The following CXADR variants were observed in gnomAD, a reference collection of about 807,000 sequenced individuals.
The protein encoded by CXADR is coxsackievirus and adenovirus receptor.
CXADR carries 20 observed loss-of-function variants against 40.3 expected under a neutral mutation model. The ratio of observed to expected loss-of-function variants is 0.50; its 90% CI spans 0.35 to 0.72. CXADR has a LOEUF of 0.72. CXADR is among the 30% of genes least tolerant of loss of function. The probability of loss-of-function intolerance (pLI) is 0.01; values close to 1 mark genes in which losing one functional copy is unlikely to be tolerated. For synonymous variants in CXADR, 150 were observed against 161.3 expected (o/e 0.93, Z 0.53); for missense variants, 332 against 449.1 (o/e 0.74, Z 2.36).
intron 1 of CXADR, among the ~76,000 whole-genome samples, chr21:17,524,197 A>G (rs1375068663): frequency 6.6e-6 from 1 of 151,892 alleles, no homozygotes; most frequent in Non-Finnish European, 1.5e-5. Context: ...CCTGGCCTAC[A>G]TTGATCTCTT....
rs1358941365 is a variant in CXADR, at chr21:17,587,425, C to T, written c.1018-5727C>T. On this transcript the variant is annotated intron_variant, in intron 7 of 7. Coordinates refer to the CXADR transcript ENST00000400169. Reference sequence around the variant, plus strand: ...GTTGTTTCCTGACTTTTTAAATGATCGCCATTCTAACTGGTGTGAGATGGT... The same window carrying T: ...GTTGTTTCCTGACTTTTTAAATGATTGCCATTCTAACTGGTGTGAGATGGT... Among the ~76,000 whole-genome samples, 10 of 152,112 alleles carry T rather than the reference C, an allele frequency of 6.6e-5. 1 individual carries two copies. Among genetic ancestry groups the T allele is most frequent in the African/African-American group, 1.7e-4 (7 of 41,420 alleles).
At chr21:17,596,869 A>G (rs187120780), downstream of CXADR, among the ~76,000 whole-genome samples, 309 of 152,202 alleles carry the variant, frequency 2.0e-3, 2 homozygotes, top group African/African-American at 7.3e-3. Flanking sequence ...TAAGATATGA[A>G]TAATTCTTTA....
intron 3 of CXADR, among the ~76,000 whole-genome samples, chr21:17,558,143 T>A (rs2061060229): frequency 6.6e-6 from 1 of 151,996 alleles, no homozygotes; most frequent in African/African-American, 2.4e-5. Flanking sequence ...TGAATATCTT[T>A]TTGATTCAGG....
the CXADR span, chr21:17,627,072 G>A: frequency 6.6e-6 from 1 of 152,310 alleles, no homozygotes; most frequent in African/African-American, 2.4e-5. Flanking sequence ...AAGAACTGGA[G>A]TAGGCCAGGT....
At chr21:17,616,089 A>G in the CXADR span, among the ~76,000 whole-genome samples, 1 of 151,894 alleles carries the variant, frequency 6.6e-6, no homozygotes, top group African/African-American at 2.4e-5. Flanking sequence ...CATCTCTACT[A>G]AAAATACAAA....
At chr21:17,630,325 G>C in the CXADR span, among the ~76,000 whole-genome samples, 7 of 152,252 alleles carry the variant, frequency 4.6e-5, no homozygotes, top group Non-Finnish European at 1.0e-4. Flanking sequence ...TGTCACACTT[G>C]CGTAATTGCT....
chr21:17,606,951 C>G, the CXADR span, among the ~76,000 whole-genome samples: 3 of 152,206 alleles, frequency 2.0e-5, no homozygotes, highest in East Asian at 3.9e-4. Flanking sequence ...TTGCTCTCTA[C>G]AAGTATCTTA....
intron 7 of CXADR, among the ~76,000 whole-genome samples, chr21:17,591,592 A>AACTT (rs1244051765): frequency 6.7e-6 from 1 of 148,266 alleles, no homozygotes; most frequent in East Asian, 2.0e-4. Context: ...AATGTGATAG[A>AACTT]ACTTACTAAA....
chr21:17,528,068 CTTTTTT>C (rs35477813), intron 1 of CXADR, among the ~76,000 whole-genome samples: 5 of 78,352 alleles, frequency 6.4e-5, no homozygotes, highest in Admixed American at 2.0e-4. Flanking sequence ...TTAGTTCTTT[CTTTTTT>C]TTTTTTTTTT....
In CXADR at chr21:17,565,764, C is replaced by G; in HGVS notation, c.*72C>G. 1 of 1,538,414 alleles carries G rather than the reference C, an allele frequency of 6.5e-7. No homozygotes were observed. On this transcript the variant is annotated 3_prime_UTR_variant, in exon 7 of 7. Transcript: ENST00000284878. ...TTGATATATGAAAACCTATTCTGGT[C>G]TAAATTGTGTTACTAGCCTCAAAAT...
the CXADR span, among the ~76,000 whole-genome samples, chr21:17,629,421 C>T: frequency 2.2e-3 from 329 of 150,774 alleles, 15 homozygotes; most frequent in East Asian, 0.057. Flanking sequence ...AAAAATTAGC[C>T]ATGTATGTTG....
At chr21:17,547,364 G>A (rs544307507) in intron 2 of CXADR, among the ~76,000 whole-genome samples, 171 bp downstream of exon 2, 37 of 152,310 alleles carry the variant, frequency 2.4e-4, no homozygotes, top group African/African-American at 8.4e-4. Flanking sequence ...GGAAATTGAG[G>A]ACACATGTAA....
At chr21:17,575,533 C>T (rs1373910305) in intron 7 of CXADR, among the ~76,000 whole-genome samples, 1 of 150,498 alleles carries the variant, frequency 6.6e-6, no homozygotes, top group Non-Finnish European at 1.5e-5. Flanking sequence ...CTCCGTTGCC[C>T]AGGCTGGAGT....
the CXADR span, among the ~76,000 whole-genome samples, chr21:17,630,226 T>C: frequency 1.3e-5 from 2 of 152,206 alleles, no homozygotes; most frequent in Non-Finnish European, 2.9e-5. Flanking sequence ...GAAAATTGTA[T>C]GAAGTGAAAA....
In CXADR at chr21:17,566,231, A is replaced by G. The variant is rs2061206975; in HGVS notation, c.*539A>G. On this transcript the variant is annotated 3_prime_UTR_variant, in exon 7 of 7. Coordinates refer to ENST00000284878, the MANE Select transcript of CXADR (RefSeq NM_001338.5). The stretch of plus-strand genomic sequence containing the variant: ...CTGTGTTTGGAATATCTCTAAAAAC[A>G]TAGAAAACACTACAGTGGTTTAGAA... The G allele has an allele frequency of 3.1e-6, 3 of 978,574 alleles. No individual in the cohort carries two copies. The highest frequency in any genetic ancestry group is 1.8e-5 in the African/African-American group (1 of 57,084). The allele number at this position is 978,574 out of a possible 1,614,324, so 60.6% of individuals were successfully genotyped here.
chr21:17,513,134 C>T lies in CXADR; in HGVS notation c.5C>T (p.Ala2Val), dbSNP rs1431285610. M[A>V]LLLCFVLLCG... ...GCCCACGGCACGGCAGCCACCATGG[C>T]GCTCCTGCTGTGCTTCGTGCTCCTG... is the stretch of plus-strand genomic sequence containing the variant. Residue 2 changes from alanine (A) to valine (V), a missense_variant, in exon 1 of 7, where the codon GCG becomes GTG. By Grantham distance (64) the Ala-to-Val change is moderately conservative. Coordinates refer to ENST00000284878, the MANE Select transcript of CXADR (RefSeq NM_001338.5). 1.5e-6 allele frequency: 2 copies of T among 1,361,342 alleles called. No individual in the cohort carries two copies. Among genetic ancestry groups the T allele is most frequent in the Non-Finnish European group, 1.9e-6 (2 of 1,053,568 alleles). 84.3% of individuals were successfully genotyped at this position (1,361,342 alleles called of 1,614,324 possible).
At chr21:17,515,655 C>CA (rs532318886) in intron 1 of CXADR, among the ~76,000 whole-genome samples, 15 of 152,014 alleles carry the variant, frequency 9.9e-5, no homozygotes, top group East Asian at 1.9e-4. Flanking sequence ...ACTAAAAATA[C>CA]AAAAAAATTA....
chr21:17,522,081 C>A, intron 1 of CXADR, among the ~76,000 whole-genome samples: 1 of 151,838 alleles, frequency 6.6e-6, no homozygotes, highest in East Asian at 1.9e-4. Flanking sequence ...GCAGTGGGCT[C>A]AGGTGATTCT....
At position 17,547,225 on chromosome 21, in the gene CXADR, G is replaced by A. The variant is rs1308440221; in HGVS notation, c.210+32G>A. 3.7e-6 allele frequency: 6 copies of A among 1,612,740 alleles called. No homozygotes were observed. The African/African-American group carries it at 4.0e-5, about 11-fold the overall frequency. On this transcript the variant is annotated intron_variant, in intron 2 of 6. Transcript: ENST00000284878. ...TTGATATGTCCTTGCTCGCTTAGCA[G>A]CTGTCTGTGCAACTATCTGATGTGT...
Sources: allele counts gnomAD v4.1 joint callset (sites outside exome capture counted in the v4.1 genomes callset), GRCh38; gene constraint gnomAD v4.1.1; transcripts MANE v1.5; gene names NCBI Gene and HGNC (gene_info 2026-07-23, HGNC 2026-07-21).